Variants in SLC39A10 observed in about 807,000 individuals in gnomAD.
SLC39A10 encodes the protein solute carrier family 39 member 10.
In SLC39A10, 13 loss-of-function variants were observed where a neutral mutation model predicts 65.1. That is an observed-to-expected ratio of 0.20 (90% confidence interval 0.13 to 0.32). SLC39A10 has a LOEUF of 0.32. Among genes scored for constraint, SLC39A10 ranks in the 10% least tolerant of loss-of-function variants. The pLI is 1.00. For synonymous variants in SLC39A10, 321 were observed against 342.2 expected, an observed-to-expected ratio of 0.94 and a Z score of 0.68; for missense variants, 831 against 1,018.4, an observed-to-expected ratio of 0.82 and a Z score of 2.50.
Position 195,708,679 on chromosome 2 carries a change from T to C in SLC39A10, c.1410T>C (p.Ser470=). The change falls in exon 5 of 10, where the codon AGT becomes AGC. Residue 470 remains serine (S), a synonymous_variant. Transcript: ENST00000359634. ...AGTCTCAGGGTGGACATGATCACAG[T>C]CACCAACATGCACATGGGCATGGAC... The part of the protein sequence containing the change: ...LPHSQGGHDH[S]HQHAHGHGHS... 6.2e-7 allele frequency: 1 copy of C among 1,605,812 alleles called. No individual in the cohort carries two copies. Among genetic ancestry groups the C allele is most frequent in the East Asian group, 2.2e-5 (1 of 44,684 alleles).
chr2:195,674,639 T>G (rs1053399318), intron 1 of SLC39A10: 1 of 985,190 alleles, frequency 1.0e-6, no homozygotes, highest in Non-Finnish European at 1.2e-6. Flanking sequence ...TCTGTGAGTA[T>G]TGCCTCTCCC....
intron 7 of SLC39A10, 37 bp downstream of exon 7, chr2:195,717,042 A>T: frequency 6.3e-7 from 1 of 1,587,970 alleles, no homozygotes. Flanking sequence ...TGCTAATCTT[A>T]TGGACTATAA....
At chr2:195,700,362 C>T (rs1045511633) in intron 3 of SLC39A10, among the ~76,000 whole-genome samples, 2 of 152,066 alleles carry the variant, frequency 1.3e-5, no homozygotes, top group African/African-American at 2.4e-5. Flanking sequence ...AGGTTAAATT[C>T]CTTTTTCATT....
At chr2:195,659,674 G>A (rs1170704525) in intron 1 of SLC39A10, among the ~76,000 whole-genome samples, 5 of 152,162 alleles carry the variant, frequency 3.3e-5, no homozygotes, top group Admixed American at 6.5e-5. Flanking sequence ...CCTTGAGGAA[G>A]TTGCTTATCT....
At chr2:195,698,503 G>C (rs1691060188) in intron 3 of SLC39A10, among the ~76,000 whole-genome samples, 1 of 151,904 alleles carries the variant, frequency 6.6e-6, no homozygotes, top group Admixed American at 6.6e-5. Flanking sequence ...TCTGTTCCTA[G>C]TTTGTTGAGT....
At chr2:195,624,887 CA>C (rs60370795) in intron 2 of SLC39A10, among the ~76,000 whole-genome samples, 10,619 of 47,344 alleles carry the variant, frequency 0.22, 251 homozygotes, top group East Asian at 0.33. Flanking sequence ...GACTCCATCT[CA>C]AAAAAAAAAA....
intron 3 of SLC39A10, among the ~76,000 whole-genome samples, chr2:195,691,812 G>T (rs1690750151): frequency 6.6e-6 from 1 of 152,194 alleles, no homozygotes; most frequent in African/African-American, 2.4e-5. Context: ...CCACTCCGTG[G>T]GTTTTCTGTT....
intron 3 of SLC39A10, among the ~76,000 whole-genome samples, chr2:195,690,472 G>A (rs1283935368): frequency 2.6e-5 from 4 of 152,078 alleles, no homozygotes; most frequent in Non-Finnish European, 5.9e-5. Flanking sequence ...TTTCCATAAT[G>A]GCTGTACCAT....
intron 1 of SLC39A10, among the ~76,000 whole-genome samples, chr2:195,659,030 T>C (rs1360509870): frequency 1.3e-5 from 2 of 152,254 alleles, no homozygotes; most frequent in Non-Finnish European, 2.9e-5. Flanking sequence ...TTTAAAGAAT[T>C]TGGCTTAAAT....
At chr2:195,648,560 C>G (rs984488564) in intron 2 of SLC39A10, among the ~76,000 whole-genome samples, 51 of 152,050 alleles carry the variant, frequency 3.4e-4, no homozygotes, top group Admixed American at 2.0e-4. Context: ...TGCCTGTGGT[C>G]CCAGCTACTC....
intron 2 of SLC39A10, 102 bp from the exon 3 acceptor site, chr2:195,683,597 T>C (rs1690414552): frequency 3.5e-6 from 3 of 853,346 alleles, no homozygotes; most frequent in Non-Finnish European, 5.4e-6. Context: ...TACAGATTAT[T>C]TGCAAGTAAT....
chr2:195,721,474 C>T (rs190186139), intron 8 of SLC39A10, among the ~76,000 whole-genome samples: 27 of 151,818 alleles, frequency 1.8e-4, no homozygotes, highest in African/African-American at 6.0e-4. Context: ...TGTCTTTTAC[C>T]TCATGCCTTG....
At chr2:195,636,361 A>G (rs1181150503) in intron 2 of SLC39A10, among the ~76,000 whole-genome samples, 1 of 152,052 alleles carries the variant, frequency 6.6e-6, no homozygotes, top group East Asian at 1.9e-4. Context: ...CACATGAAAT[A>G]GTAAGTATTT....
chr2:195,688,388 A>G (rs1267605503), intron 3 of SLC39A10, among the ~76,000 whole-genome samples: 1 of 152,190 alleles, frequency 6.6e-6, no homozygotes, highest in Non-Finnish European at 1.5e-5. Flanking sequence ...AAATTCTACA[A>G]ATAAAGTATT....
At chr2:195,729,273 C>T (rs927185183) in intron 9 of SLC39A10, among the ~76,000 whole-genome samples, 4 of 152,190 alleles carry the variant, frequency 2.6e-5, no homozygotes, top group Non-Finnish European at 5.9e-5. Flanking sequence ...TGAGCTACCA[C>T]ACCCGGCCCA....
intron 2 of SLC39A10, among the ~76,000 whole-genome samples, chr2:195,637,430 C>A (rs1011898946): frequency 1.3e-5 from 2 of 152,186 alleles, no homozygotes; most frequent in African/African-American, 4.8e-5. Flanking sequence ...GGGGTTCACT[C>A]AGCTTTACTG....
chr2:195,680,641 C>T lies in SLC39A10; in HGVS notation c.599C>T (p.Ser200Phe). ...HNNTHHFHND[S>F]ITPSERGEPS... ...AACACTCACCATTTTCATAATGATT[C>T]CATTACTCCCAGTGAGCGTGGGGAG... The change falls in exon 2 of 10, where the codon TCC becomes TTC. Residue 200 changes from serine to phenylalanine, a missense_variant. Transcript: ENST00000359634. 6.2e-7 allele frequency: 1 copy of T among 1,614,090 alleles called. No homozygotes were observed. Among genetic ancestry groups the T allele is most frequent in the Non-Finnish European group, 8.5e-7 (1 of 1,180,028 alleles).
chr2:195,689,867 C>G (rs576835436), intron 3 of SLC39A10, among the ~76,000 whole-genome samples: 97 of 152,238 alleles, frequency 6.4e-4, no homozygotes, highest in Non-Finnish European at 9.9e-4. Context: ...AAGGTTCATC[C>G]ATGTTGTAGC....
Position 195,708,648 on chromosome 2 carries a change from AT to A in SLC39A10, c.1387-6del, listed in dbSNP as rs78748388. 1,845 of 1,542,818 alleles carry A rather than the reference AT, an allele frequency of 1.2e-3. 55 individuals are homozygous for A. In the East Asian group the frequency reaches 0.038, roughly 32 times the overall value. ...TTGTTTAGAAGTTTTATTTGTTCTT[AT>A]TAATAGTCTCAGGGTGGACATGATC... On this transcript the variant is annotated splice_region_variant and splice_polypyrimidine_tract_variant and intron_variant, in intron 4 of 9. Transcript: ENST00000359634.
Sources: allele counts gnomAD v4.1 joint callset (sites outside exome capture counted in the v4.1 genomes callset), GRCh38; gene constraint gnomAD v4.1.1; transcripts MANE v1.5; gene names NCBI Gene and HGNC (gene_info 2026-07-23, HGNC 2026-07-21).